The following NRSN1 variants were observed in gnomAD, a reference collection of about 807,000 sequenced individuals.
NRSN1 encodes neurensin-1.
Under a neutral mutation model 17.3 loss-of-function variants are expected in NRSN1, and 14 were observed. The observed-to-expected ratio is 0.81, with a 90% CI of 0.54 to 1.27. The LOEUF (loss-of-function observed/expected upper bound fraction) is 1.27, where lower values mean the gene tolerates loss of function less well. Among genes scored for constraint, NRSN1 ranks in the 50% most tolerant of loss-of-function variants. The pLI, the probability that NRSN1 is intolerant of heterozygous loss-of-function variation, is 0.00. For synonymous variants in NRSN1, 79 were observed against 94.2 expected (o/e 0.84, Z 0.93); for missense variants, 209 against 235.9 (o/e 0.89, Z 0.75).
At chr6:24,128,853 C>A (rs1759989790) in intron 2 of NRSN1, 1 of 152,172 alleles carries the variant, frequency 6.6e-6, no homozygotes, top group Admixed American at 6.5e-5. Flanking sequence ...CTGTGCCTGG[C>A]CTCACAACTG....
At chr6:24,134,205 A>C (rs1760083279) in intron 2 of NRSN1, 114 bp from the exon 3 acceptor site, 2 of 829,704 alleles carry the variant, frequency 2.4e-6, no homozygotes, top group South Asian at 1.8e-5. Context: ...TGTAATGAAA[A>C]GAGCATTGTT....
At chr6:24,136,459 C>G (rs1760119411) in intron 3 of NRSN1, among the ~76,000 whole-genome samples, 1 of 152,108 alleles carries the variant, frequency 6.6e-6, no homozygotes, top group Non-Finnish European at 1.5e-5. Context: ...TGAATCCTTA[C>G]TGGCTTTAGC....
At position 24,145,251 on chromosome 6, in the gene NRSN1, T is replaced by TTA. The variant is rs201221669; in HGVS notation, c.190-287_190-286dup. On this transcript the variant is annotated intron_variant, in intron 3 of 3. Transcript: ENST00000378491. This position sits in a 1 kb window ranked among gnomAD's most constrained non-coding sequence, Gnocchi z 4.4. ...TATATATCTTTAGATAATATAAAGA[T>TTA]TATATATATATCTTTAGATATACAA... is the stretch of plus-strand genomic sequence containing the variant. Among the ~76,000 whole-genome samples the TTA allele has an allele frequency of 4.9e-5, 7 of 143,578 alleles. No individual in the cohort carries two copies. In the East Asian group the frequency reaches 7.9e-4, roughly 16 times the overall value. 94.2% of individuals were successfully genotyped at this position (143,578 alleles called of 152,430 possible).
intron 3 of NRSN1, among the ~76,000 whole-genome samples, chr6:24,142,190 G>GTTTTTTT (rs1554140614): frequency 7.5e-4 from 15 of 20,024 alleles, no homozygotes; most frequent in Non-Finnish European, 1.4e-3. Context: ...ATACAGAACA[G>GTTTTTTT]CTTTTTTTTT....
intron 3 of NRSN1, chr6:24,141,368 T>A: frequency 1.6e-6 from 1 of 628,662 alleles, no homozygotes; most frequent in African/African-American, 1.9e-5. Context: ...CCAACTGCTC[T>A]CCTCACCTCC....
chr6:24,139,496 G>A (rs1369082187), intron 3 of NRSN1, among the ~76,000 whole-genome samples: 1 of 152,226 alleles, frequency 6.6e-6, no homozygotes, highest in Non-Finnish European at 1.5e-5. Flanking sequence ...ACAATTTCAC[G>A]AATGGGTGGA....
At chr6:24,130,377 C>G (rs747331932) in intron 2 of NRSN1, among the ~76,000 whole-genome samples, 2 of 152,166 alleles carry the variant, frequency 1.3e-5, no homozygotes, top group Non-Finnish European at 2.9e-5. Context: ...AAGTGTCCAT[C>G]AATCAAATAA....
chr6:24,127,417 T>C (rs1002850572), intron 1 of NRSN1, among the ~76,000 whole-genome samples: 2 of 152,230 alleles, frequency 1.3e-5, no homozygotes, highest in Non-Finnish European at 2.9e-5. Context: ...GACCTGTTCA[T>C]TAGAAAGAAT....
At chr6:24,136,100 C>A (rs1368547941) in intron 3 of NRSN1, among the ~76,000 whole-genome samples, 1 of 152,100 alleles carries the variant, frequency 6.6e-6, no homozygotes, top group South Asian at 2.1e-4. Flanking sequence ...TAACCCTGGG[C>A]AAATTAATTG....
At chr6:24,126,740 A>G (rs1759955296) in intron 1 of NRSN1, among the ~76,000 whole-genome samples, 1 of 152,180 alleles carries the variant, frequency 6.6e-6, no homozygotes, top group South Asian at 2.1e-4. Context: ...TTTATTTATC[A>G]GGCTGAATTG....
chr6:24,145,145 T>C lies in NRSN1; in HGVS notation c.190-403T>C, dbSNP rs886165665. ...TATACATATCTTTAGACATATAATA[T>C]ATAATATATATATCTTTGGACATAT... is the stretch of plus-strand genomic sequence containing the variant. On this transcript the variant is annotated intron_variant, in intron 3 of 3. Transcript: ENST00000378491. This position sits in a 1 kb window ranked among gnomAD's most constrained non-coding sequence, Gnocchi z 4.4. Among the ~76,000 whole-genome samples the C allele has an allele frequency of 7.6e-5, 11 of 145,090 alleles. No homozygotes were observed. The highest frequency in any genetic ancestry group is 1.1e-4 in the Non-Finnish European group (7 of 66,440).
At chr6:24,138,868 G>A (rs1250876167) in intron 3 of NRSN1, among the ~76,000 whole-genome samples, 1 of 152,132 alleles carries the variant, frequency 6.6e-6, no homozygotes, top group Non-Finnish European at 1.5e-5. Context: ...AATAAATATT[G>A]TATATATTTG....
chr6:24,130,647 T>C (rs796500768), intron 2 of NRSN1, among the ~76,000 whole-genome samples: 4 of 152,282 alleles, frequency 2.6e-5, no homozygotes, highest in Non-Finnish European at 4.4e-5. Flanking sequence ...TTAAACAACA[T>C]ACGAACATTT....
rs554123367 is a variant in NRSN1 at position 24,142,650 on chromosome 6, G to T, written c.190-2898G>T. ...AATTTTGTATTTTTAGTAGAGATGG[G>T]GTTTGACCATGTTGGTCAGGCTTGT... is the stretch of plus-strand genomic sequence containing the variant. On this transcript the variant is annotated intron_variant, in intron 3 of 3. Coordinates refer to ENST00000378491, the MANE Select transcript of NRSN1 (RefSeq NM_080723.5). Among the ~76,000 whole-genome samples the T allele has an allele frequency of 6.6e-5, 10 of 152,102 alleles. No individual in the cohort carries two copies. The East Asian group carries it at 1.9e-3, about 29-fold the overall frequency.
At chr6:24,140,392 G>A (rs1399787478) in intron 3 of NRSN1, among the ~76,000 whole-genome samples, 1 of 152,178 alleles carries the variant, frequency 6.6e-6, no homozygotes, top group Non-Finnish European at 1.5e-5. Flanking sequence ...AAGATTGTGA[G>A]GTCAGTCTAT....
In NRSN1 at chr6:24,142,191, C is replaced by CTTT. The variant is rs751168423; in HGVS notation, c.190-3336_190-3334dup. Among the ~76,000 whole-genome samples the CTTT allele has an allele frequency of 5.4e-3, 240 of 44,448 alleles. 40 individuals are homozygous for CTTT. The highest frequency in any genetic ancestry group is 0.017 in the African/African-American group (230 of 13,368). 29.2% of individuals were successfully genotyped at this position (44,448 alleles called of 152,430 possible). On this transcript the variant is annotated intron_variant, in intron 3 of 3. Transcript: ENST00000378491. ...AGCACTTATGTCTTATACAGAACAG[C>CTTT]TTTTTTTTTTTTTTTTTTTTTTTCA...
chr6:24,134,644 C>T, intron 3 of NRSN1, 128 bp downstream of exon 3: 1 of 727,714 alleles, frequency 1.4e-6, no homozygotes. Flanking sequence ...ATACTAAATG[C>T]ATTTTTCTTA....
chr6:24,145,805 C>A lies in NRSN1; in HGVS notation c.447C>A (p.Phe149Leu), dbSNP rs750732491. 2 of 1,614,144 alleles carry A rather than the reference C, an allele frequency of 1.2e-6. No individual in the cohort carries two copies. Among genetic ancestry groups the A allele is most frequent in the South Asian group, 2.2e-5 (2 of 91,088 alleles). Residue 149 changes from phenylalanine (F) to leucine (L), a missense_variant, in exon 4 of 4, where the codon TTC (phenylalanine) becomes TTA (leucine). Physicochemically the swap from Phe to Leu is conservative, Grantham distance 22. Coordinates refer to ENST00000378491, the MANE Select transcript of NRSN1 (RefSeq NM_080723.5). The surrounding 1 kb of genome is among the most constrained non-coding windows in gnomAD (Gnocchi z 4.4). ...AGAGCTACTCCAAAGAAGAAAAATT[C>A]CTCCAGCAGAAGTTTAAAGAACGAA... Reference protein sequence around the residue: ...FVKSYSKEEKFLQQKFKERIA... With the variant: ...FVKSYSKEEKLLQQKFKERIA...
chr6:24,133,117 T>A (rs529072331), intron 2 of NRSN1, among the ~76,000 whole-genome samples: 1 of 152,258 alleles, frequency 6.6e-6, no homozygotes, highest in East Asian at 1.9e-4. Flanking sequence ...TTAGGTCAAA[T>A]AAAGTAGAAA....
Sources: allele counts gnomAD v4.1 joint callset (sites outside exome capture counted in the v4.1 genomes callset), GRCh38; gene constraint gnomAD v4.1.1; non-coding constraint Gnocchi (gnomAD v3.1); transcripts MANE v1.5; gene names NCBI Gene and HGNC (gene_info 2026-07-23, HGNC 2026-07-21).